LHX2: variants seen among roughly 807,000 people sequenced by gnomAD.
The protein encoded by LHX2 is LIM/homeobox protein Lhx2.
Under a neutral mutation model 33.0 loss-of-function variants are expected in LHX2, and 6 were observed. The ratio of observed to expected loss-of-function variants is 0.18; its 90% CI spans 0.10 to 0.36. The LOEUF is 0.36. LHX2 is among the 10% of genes least tolerant of loss of function. LHX2 has a pLI of 1.00. For synonymous variants in LHX2, 292 were observed against 253.1 expected, an observed-to-expected ratio of 1.15 and a Z score of -1.46; for missense variants, 442 against 586.2, an observed-to-expected ratio of 0.75 and a Z score of 2.54.
intron 4 of LHX2, among the ~76,000 whole-genome samples, chr9:124,029,918 C>A (rs1219874689): frequency 1.3e-5 from 2 of 152,212 alleles, no homozygotes; most frequent in African/African-American, 4.8e-5. Flanking sequence ...TTTAGGCCAC[C>A]AGGACACAGT....
chr9:124,022,346 A>T (rs1859308141), intron 4 of LHX2, among the ~76,000 whole-genome samples: 1 of 152,198 alleles, frequency 6.6e-6, no homozygotes, highest in Non-Finnish European at 1.5e-5. Context: ...CATTAACTAG[A>T]TTCATTAGCT....
In LHX2 at chr9:124,016,197, C is replaced by T. The variant is rs1361779737; in HGVS notation, c.727+672C>T. 1.5e-5 allele frequency among the ~76,000 whole-genome samples: 2 copies of T among 131,808 alleles called. No homozygotes were observed. The highest frequency in any genetic ancestry group is 4.8e-4 in the East Asian group (2 of 4,204). The allele number at this position is 131,808 out of a possible 152,430, so 86.5% of individuals were successfully genotyped here. Reference sequence around the variant, plus strand: ...CGGAAGCGAGCCCCCCGGGCGGGGACGAGACCGGAGCAGGCCTGGCCTCGC... The same window carrying T: ...CGGAAGCGAGCCCCCCGGGCGGGGATGAGACCGGAGCAGGCCTGGCCTCGC... On this transcript the variant is annotated intron_variant, in intron 3 of 4. Coordinates refer to ENST00000373615, the MANE Select transcript of LHX2 (RefSeq NM_004789.4). The surrounding 1 kb of genome is among the most constrained non-coding windows in gnomAD (Gnocchi z 4.4).
chr9:124,027,247 G>A lies in LHX2; in HGVS notation c.934-5173G>A, dbSNP rs535472838. Among the ~76,000 whole-genome samples, 101 of 152,160 alleles carry A rather than the reference G, an allele frequency of 6.6e-4. No homozygotes were observed. In the South Asian group the frequency reaches 0.016, roughly 23 times the overall value. On this transcript the variant is annotated intron_variant, in intron 4 of 4. Coordinates refer to ENST00000373615, the MANE Select transcript of LHX2 (RefSeq NM_004789.4). ...GCCATACCAACAGTTTAGAAAAATA[G>A]GAAAAACAGAAAACAACAACAGCAA...
At chr9:124,026,777 G>A (rs1828631807) in intron 4 of LHX2, among the ~76,000 whole-genome samples, 1 of 152,154 alleles carries the variant, frequency 6.6e-6, no homozygotes, top group African/African-American at 2.4e-5. Context: ...AAATAAAATG[G>A]TAGACGTGCT....
In LHX2 at chr9:124,016,343, G is replaced by A. The variant is rs1386634334; in HGVS notation, c.727+818G>A. Among the ~76,000 whole-genome samples the A allele has an allele frequency of 6.6e-6, 1 of 152,214 alleles. No individual in the cohort carries two copies. The highest frequency in any genetic ancestry group is 2.4e-5 in the African/African-American group (1 of 41,466). ...CCCGCGCCCCTCCCTGCTCAGGACAGCTGCAGAGGTTCTGAGTTCCGGCAA... is the reference window on the plus strand; with the variant it reads ...CCCGCGCCCCTCCCTGCTCAGGACAACTGCAGAGGTTCTGAGTTCCGGCAA... On this transcript the variant is annotated intron_variant, in intron 3 of 4. Coordinates refer to ENST00000373615, the MANE Select transcript of LHX2 (RefSeq NM_004789.4). This position sits in a 1 kb window ranked among gnomAD's most constrained non-coding sequence, Gnocchi z 4.4.
intron 3 of LHX2, among the ~76,000 whole-genome samples, chr9:124,020,292 G>A (rs974363976): frequency 6.6e-6 from 1 of 151,900 alleles, no homozygotes; most frequent in African/African-American, 2.4e-5. Flanking sequence ...TTCCTTCCCC[G>A]TCCACTCTGC....
Position 124,021,136 on chromosome 9 carries a change from C to G in LHX2, c.765C>G (p.Asp255Glu). The change falls in exon 4 of 5, where the codon GAC becomes GAG. Residue 255 changes from aspartate to glutamate, a missense_variant. Transcript: ENST00000373615. The part of the protein sequence containing the change: ...SCNENDAEHL[D>E]RDQPYPSSQK... ...ACGAAAACGACGCAGAGCACCTGGA[C>G]CGTGACCAGCCATACCCGAGCAGCC... 1 of 1,614,158 alleles carries G rather than the reference C, an allele frequency of 6.2e-7. No individual in the cohort carries two copies. Among genetic ancestry groups the G allele is most frequent in the Non-Finnish European group, 8.5e-7 (1 of 1,180,048 alleles).
chr9:124,032,665 GC>G lies in LHX2; in HGVS notation c.1181del (p.Pro394LeufsTer25). 6.2e-7 allele frequency: 1 copy of G among 1,612,806 alleles called. No individual in the cohort carries two copies. The highest frequency in any genetic ancestry group is 1.7e-5 in the Admixed American group (1 of 59,934). On this transcript the variant is annotated frameshift_variant, in exon 5 of 5. Transcript: ENST00000373615. LOFTEE classifies it high-confidence loss of function. This position sits in a 1 kb window ranked among gnomAD's most constrained non-coding sequence, Gnocchi z 4.1. ...TGCCTGGCAACCTGGAGGGCCATGA[GC>G]CTCACAGCCCCTCACAAACGACTCT... ...SVPGNLEGHE[P>X]HSPSQTTLTN... is the part of the protein sequence containing the mutation.
intron 3 of LHX2, among the ~76,000 whole-genome samples, chr9:124,019,129 C>A (rs1312860304): frequency 6.6e-6 from 1 of 152,228 alleles, no homozygotes; most frequent in African/African-American, 2.4e-5. Flanking sequence ...ATCCTCTGAT[C>A]CCCTTTAAAT....
chr9:124,019,052 G>A (rs114862241), intron 3 of LHX2, among the ~76,000 whole-genome samples: 1,623 of 152,324 alleles, frequency 0.011, 22 homozygotes, highest in African/African-American at 0.038. Context: ...GCTGGGGACT[G>A]GGGGAAAGAA....
rs763631459 is a variant in LHX2 at position 124,012,327 on chromosome 9, C to T, written c.-22C>T. 7.4e-6 allele frequency: 11 copies of T among 1,485,502 alleles called. No individual in the cohort carries two copies. Among genetic ancestry groups the T allele is most frequent in the South Asian group, 6.3e-5 (5 of 79,316 alleles). The allele number at this position is 1,485,502 out of a possible 1,614,324, so 92.0% of individuals were successfully genotyped here. A position where few individuals can be genotyped will look rare whatever the true frequency, so the allele number is the denominator to read the frequency against. Reference sequence around the variant, plus strand: ...CCCTCCCTCGGAGGAGCCGCGCCCCCGGCCCCGCCGGTCCCGCCGCGATGC... The same window carrying T: ...CCCTCCCTCGGAGGAGCCGCGCCCCTGGCCCCGCCGGTCCCGCCGCGATGC... On this transcript the variant is annotated 5_prime_UTR_variant, in exon 1 of 5. Coordinates refer to ENST00000373615, the MANE Select transcript of LHX2 (RefSeq NM_004789.4). The surrounding 1 kb of genome is among the most constrained non-coding windows in gnomAD (Gnocchi z 4.3).
rs781551727 is a variant in LHX2, at chr9:124,016,696, G to A, written c.727+1171G>A. 6.6e-6 allele frequency among the ~76,000 whole-genome samples: 1 copy of A among 152,214 alleles called. No individual in the cohort carries two copies. Among genetic ancestry groups the A allele is most frequent in the African/African-American group, 2.4e-5 (1 of 41,448 alleles). On this transcript the variant is annotated intron_variant, in intron 3 of 4. Transcript: ENST00000373615. This position sits in a 1 kb window ranked among gnomAD's most constrained non-coding sequence, Gnocchi z 4.4. ...GAAATCGCTTGGAGGATCATGGGGC[G>A]TGTGTCCCTGTGTGCGGAACTGGGA...
chr9:124,013,694 G>A (rs1859131731), intron 1 of LHX2, among the ~76,000 whole-genome samples: 1 of 152,276 alleles, frequency 6.6e-6, no homozygotes, highest in South Asian at 2.1e-4. Context: ...GGAAGGAAGA[G>A]AGGTAAGCAC....
At chr9:124,027,477 A>C (rs942918529) in intron 4 of LHX2, among the ~76,000 whole-genome samples, 4 of 152,234 alleles carry the variant, frequency 2.6e-5, no homozygotes, top group African/African-American at 9.6e-5. Context: ...GGTTATTATA[A>C]GGACCAAATG....
At chr9:124,017,438 G>T (rs375966510) in intron 3 of LHX2, among the ~76,000 whole-genome samples, 264 of 152,306 alleles carry the variant, frequency 1.7e-3, no homozygotes, top group African/African-American at 5.9e-3. Context: ...TAGATCTGGC[G>T]TCCGCCCTTC....
rs1859157475 is a variant in LHX2 at position 124,014,895 on chromosome 9, G to A, written c.324-227G>A. The stretch of plus-strand genomic sequence containing the variant: ...CCTAGGGCTTGCGGAGACTCTGGGT[G>A]AAGTAGAAGTCTCTGTAGGCATAAG... On this transcript the variant is annotated intron_variant, in intron 2 of 4. Coordinates refer to ENST00000373615, the MANE Select transcript of LHX2 (RefSeq NM_004789.4). The surrounding 1 kb of genome is among the most constrained non-coding windows in gnomAD (Gnocchi z 4.8). 6.6e-6 allele frequency among the ~76,000 whole-genome samples: 1 copy of A among 152,190 alleles called. No homozygotes were observed. The highest frequency in any genetic ancestry group is 2.4e-5 in the African/African-American group (1 of 41,430).
intron 4 of LHX2, among the ~76,000 whole-genome samples, chr9:124,027,635 A>G (rs1307853852): frequency 1.3e-5 from 2 of 152,148 alleles, no homozygotes; most frequent in East Asian, 1.9e-4. Context: ...TGGCTAATAC[A>G]GTGAAACCCA....
chr9:124,023,716 A>G (rs1828557469), intron 4 of LHX2, among the ~76,000 whole-genome samples: 1 of 152,244 alleles, frequency 6.6e-6, no homozygotes, highest in South Asian at 2.1e-4. Context: ...GGAACAAATC[A>G]GATTTCCAGG....
chr9:124,018,673 C>G (rs898423788), intron 3 of LHX2, among the ~76,000 whole-genome samples: 9 of 152,178 alleles, frequency 5.9e-5, no homozygotes, highest in African/African-American at 2.2e-4. Context: ...CTTTCCCCTC[C>G]GCTCTCCCTA....
Sources: gnomAD v4.1 joint callset for allele counts (sites outside exome capture counted in the v4.1 genomes callset) on GRCh38, gnomAD v4.1.1 for gene constraint, Gnocchi (gnomAD v3.1) non-coding constraint, MANE v1.5 for transcripts, NCBI Gene and HGNC (gene_info 2026-07-23, HGNC 2026-07-21) for gene names.